The following MPHOSPH9 variants were observed in gnomAD, a reference collection of about 807,000 sequenced individuals.
MPHOSPH9 encodes M-phase phosphoprotein 9.
Under a neutral mutation model 145.5 loss-of-function variants are expected in MPHOSPH9, and 88 were observed. The ratio of observed to expected loss-of-function variants is 0.60; its 90% CI spans 0.51 to 0.72. The LOEUF is 0.72. Among genes scored for constraint, MPHOSPH9 ranks in the 30% least tolerant of loss-of-function variants. The probability of loss-of-function intolerance (pLI) is 0.00; values close to 1 mark genes in which losing one functional copy is unlikely to be tolerated. For synonymous variants in MPHOSPH9, 435 were observed against 486.2 expected, an observed-to-expected ratio of 0.89 and a Z score of 1.39; for missense variants, 1,238 against 1,386.6, an observed-to-expected ratio of 0.89 and a Z score of 1.70.
chr12:123,226,975 A>C (rs2047462618), intron 3 of MPHOSPH9, among the ~76,000 whole-genome samples: 1 of 152,140 alleles, frequency 6.6e-6, no homozygotes, highest in Non-Finnish European at 1.5e-5. Context: ...TTTATATCAC[A>C]ATTTAACCTA....
chr12:123,207,619 C>T (rs2046493140), intron 8 of MPHOSPH9, among the ~76,000 whole-genome samples: 1 of 151,910 alleles, frequency 6.6e-6, no homozygotes, highest in Non-Finnish European at 1.5e-5. Flanking sequence ...TTTGGGAGGC[C>T]AAGGCGGGCG....
At chr12:123,166,267 C>T (rs561325708) in intron 17 of MPHOSPH9, 12 of 219,350 alleles carry the variant, frequency 5.5e-5, no homozygotes, top group East Asian at 1.7e-4. Flanking sequence ...TCACCATGCC[C>T]GGCTAATATA....
intron 13 of MPHOSPH9, among the ~76,000 whole-genome samples, chr12:123,183,947 C>G (rs1478790267): frequency 6.6e-6 from 1 of 152,142 alleles, no homozygotes; most frequent in Non-Finnish European, 1.5e-5. Flanking sequence ...GGGCAGGTCA[C>G]ACCTATAATC....
chr12:123,220,322 T>C (rs1342025051), intron 5 of MPHOSPH9, among the ~76,000 whole-genome samples: 3 of 151,018 alleles, frequency 2.0e-5, no homozygotes, highest in Non-Finnish European at 3.0e-5. Flanking sequence ...TCCCAGCACT[T>C]TGGGAGGCTG....
At chr12:123,175,152 CTT>C (rs781777794) in intron 16 of MPHOSPH9, among the ~76,000 whole-genome samples, 1 of 145,566 alleles carries the variant, frequency 6.9e-6, no homozygotes. Flanking sequence ...CAAGATCTAA[CTT>C]TTTTTTTTTT....
At chr12:123,174,105 TCA>T (rs1290625477) in intron 16 of MPHOSPH9, among the ~76,000 whole-genome samples, 1 of 152,186 alleles carries the variant, frequency 6.6e-6, no homozygotes, top group Non-Finnish European at 1.5e-5. Context: ...AGGAGAAATG[TCA>T]CACATTCTGG....
At position 123,230,451 on chromosome 12, in the gene MPHOSPH9, G is replaced by T; in HGVS notation, c.-87C>A. ...AAATGAATCCGTGTCATCTTCAGAG[G>T]CTTCATCATCTACTGGCATTTTCAG... On this transcript the variant is annotated 5_prime_UTR_variant, in exon 2 of 24. Coordinates refer to ENST00000606320, the MANE Select transcript of MPHOSPH9 (RefSeq NM_022782.4). The T allele has an allele frequency of 1.5e-6, 1 of 677,172 alleles. No individual in the cohort carries two copies. Among genetic ancestry groups the T allele is most frequent in the Non-Finnish European group, 2.3e-6 (1 of 427,182 alleles). The allele number at this position is 677,172 out of a possible 1,614,324, so 41.9% of individuals were successfully genotyped here.
chr12:123,197,911 G>A (rs2046041588), intron 12 of MPHOSPH9, among the ~76,000 whole-genome samples: 3 of 150,920 alleles, frequency 2.0e-5, no homozygotes, highest in African/African-American at 4.9e-5. Flanking sequence ...GTGAAACCCC[G>A]TCTCTACTAA....
At chr12:123,170,688 T>A (rs2044539356) in intron 16 of MPHOSPH9, among the ~76,000 whole-genome samples, 1 of 152,238 alleles carries the variant, frequency 6.6e-6, no homozygotes, top group African/African-American at 2.4e-5. Context: ...TATTTGTCCT[T>A]TCTCCCGGCA....
In MPHOSPH9 at chr12:123,165,431, T is replaced by C. The variant is rs890095009; in HGVS notation, c.2638A>G (p.Thr880Ala). ...CTTTGCTTTTTTATCAACAAGCTTG[T>C]TGATGAACTTCCAGGTGAAGAATCC... ...EKDSSPGSSS[T>A]SLLIKKQRET... The change falls in exon 18 of 24, where the codon ACA (threonine) becomes GCA (alanine). Residue 880 changes from threonine to alanine, a missense_variant. Physicochemically the swap from Thr to Ala is moderately conservative, Grantham distance 58. This residue lies in a region of MPHOSPH9 where 393 missense variants were observed against 462.5 expected (regional missense o/e 0.85). Coordinates refer to ENST00000606320, the MANE Select transcript of MPHOSPH9 (RefSeq NM_022782.4). 6.2e-7 allele frequency: 1 copy of C among 1,613,936 alleles called. No homozygotes were observed. The highest frequency in any genetic ancestry group is 2.2e-5 in the East Asian group (1 of 44,898).
chr12:123,233,891 T>G (rs970315254), upstream of MPHOSPH9: 6 of 152,276 alleles, frequency 3.9e-5, no homozygotes, highest in Non-Finnish European at 7.3e-5. Context: ...TGAGCACGCA[T>G]CAGGTGCTGT....
upstream of MPHOSPH9, among the ~76,000 whole-genome samples, chr12:123,234,404 G>T (rs1287151057): frequency 6.6e-6 from 1 of 151,462 alleles, no homozygotes; most frequent in Non-Finnish European, 1.5e-5. Context: ...TGTGGGGGAG[G>T]GGGGTAGGGG....
In MPHOSPH9 at chr12:123,161,678, A is replaced by C. The variant is rs75049309; in HGVS notation, c.3134-295T>G. Among the ~76,000 whole-genome samples, 3 of 151,934 alleles carry C rather than the reference A, an allele frequency of 2.0e-5. No individual in the cohort carries two copies. In the South Asian group the frequency reaches 6.2e-4, roughly 31 times the overall value. On this transcript the variant is annotated intron_variant, in intron 21 of 23. Transcript: ENST00000606320. ...AAACTTAAAGCAAAAAAAAAAAAAA[A>C]AGCTTAAAAACTAAATAATACATCA...
At chr12:123,217,926 TC>T (rs2047035746) in intron 6 of MPHOSPH9, among the ~76,000 whole-genome samples, 1 of 151,794 alleles carries the variant, frequency 6.6e-6, no homozygotes, top group Non-Finnish European at 1.5e-5. Flanking sequence ...GTGCCTGTAG[TC>T]CCAGCTACTT....
At chr12:123,230,112 G>T in intron 2 of MPHOSPH9, 149 bp downstream of exon 2, 1 of 527,068 alleles carries the variant, frequency 1.9e-6, no homozygotes, top group Non-Finnish European at 3.3e-6. Context: ...ATGAGCCACC[G>T]CGCCCAGCCT....
Position 123,176,708 on chromosome 12 carries a change from G to T in MPHOSPH9, c.2436C>A (p.His812Gln). ...MLSLRHNSRI[H>Q]VRPSRANTLA... ...CTTACTTGGCACGCGAGGGTCTCACGTGAATTCTAGAATTATGACGAAGGC... is the reference window on the plus strand; with the variant it reads ...CTTACTTGGCACGCGAGGGTCTCACTTGAATTCTAGAATTATGACGAAGGC... Residue 812 changes from histidine (H) to glutamine (Q), a missense_variant, in exon 16 of 24, where the codon CAC (histidine) becomes CAA (glutamine). Transcript: ENST00000606320. 6.2e-7 allele frequency: 1 copy of T among 1,613,548 alleles called. No individual in the cohort carries two copies. The highest frequency in any genetic ancestry group is 2.2e-5 in the East Asian group (1 of 44,866).
chr12:123,228,039 C>T (rs1008932693), intron 2 of MPHOSPH9, among the ~76,000 whole-genome samples: 3 of 152,170 alleles, frequency 2.0e-5, no homozygotes, highest in Non-Finnish European at 2.9e-5. Flanking sequence ...TCACTGGACA[C>T]CCTTAATTTG....
At position 123,193,071 on chromosome 12, in the gene MPHOSPH9, CAAAA is replaced by C. The variant is rs768866302; in HGVS notation, c.2241+1311_2241+1314del. On this transcript the variant is annotated intron_variant, in intron 13 of 23. Transcript: ENST00000606320. ...TGGGCGACAGAGAGGGATTGTCTTT[CAAAA>C]AAAAAAAAAAAAAAAAAAAAAATAT... 4.0e-3 allele frequency among the ~76,000 whole-genome samples: 118 copies of C among 29,566 alleles called. 1 individual carries two copies. The highest frequency in any genetic ancestry group is 0.012 in the African/African-American group (84 of 6,888). The allele number at this position is 29,566 out of a possible 152,430, so 19.4% of individuals were successfully genotyped here.
At chr12:123,198,078 C>T (rs1218303192) in intron 12 of MPHOSPH9, among the ~76,000 whole-genome samples, 169 bp downstream of exon 12, 2 of 147,172 alleles carry the variant, frequency 1.4e-5, no homozygotes, top group Admixed American at 6.8e-5. Flanking sequence ...AGCGAGACTC[C>T]GTCTCAAAAA....
Sources: gnomAD v4.1 joint callset for allele counts (sites outside exome capture counted in the v4.1 genomes callset) on GRCh38, gnomAD v4.1.1 for gene constraint, gnomAD v4.1.1 regional missense constraint, MANE v1.5 for transcripts, NCBI Gene and HGNC (gene_info 2026-07-23, HGNC 2026-07-21) for gene names.